Variants in OXR1 observed in about 807,000 individuals in gnomAD.
OXR1 encodes the protein oxidation resistance 1.
In OXR1, 41 loss-of-function variants were observed where a neutral mutation model predicts 104.6. The observed-to-expected ratio is 0.39, with a 90% CI of 0.31 to 0.51. OXR1 has a LOEUF of 0.51. OXR1 is among the 20% of genes least tolerant of loss of function. OXR1 has a pLI of 0.77. For missense variants in OXR1, 955 were observed against 1,031.9 expected (o/e 0.93, Z 1.02); for synonymous variants, 348 against 348.4 (o/e 1.00, Z 0.01).
At chr8:106,401,873 T>C (rs1242741874) in intron 2 of OXR1, among the ~76,000 whole-genome samples, 1 of 152,168 alleles carries the variant, frequency 6.6e-6, no homozygotes, top group Non-Finnish European at 1.5e-5. Context: ...CAGCATAATA[T>C]CTTATGAAGG....
chr8:106,679,364 T>G (rs1489058650), intron 4 of OXR1, 72 bp downstream of exon 4: 4 of 673,394 alleles, frequency 5.9e-6, no homozygotes, highest in African/African-American at 1.9e-5. Context: ...CTGTTTATAC[T>G]ATAAATAAGA....
At chr8:106,697,645 G>A (rs532826528) in intron 7 of OXR1, 2 of 1,613,864 alleles carry the variant, frequency 1.2e-6, no homozygotes, top group African/African-American at 1.3e-5. Context: ...CTGCACACAG[G>A]CCATGTTCTT....
chr8:106,746,659 A>T (rs1220046206), intron 16 of OXR1, among the ~76,000 whole-genome samples: 1 of 152,236 alleles, frequency 6.6e-6, no homozygotes, highest in African/African-American at 2.4e-5. Context: ...AAATTTTCTT[A>T]CAACTTCTCT....
rs1410370642 is a variant in OXR1 at position 106,590,311 on chromosome 8, G to GGAGTC, written c.220+71173_220+71177dup. On this transcript the variant is annotated intron_variant, in intron 3 of 16. Coordinates refer to ENST00000517566, the MANE Select transcript of OXR1 (RefSeq NM_001198533.2). ...TGTTGTTGTTGTTGTTGTTTGAGACGGAGTCTCGCTCTGTCGCCCAGGCTG... is the reference window on the plus strand; with the variant it reads ...TGTTGTTGTTGTTGTTGTTTGAGACGGAGTCGAGTCTCGCTCTGTCGCCCAGGCTG... 5.3e-4 allele frequency among the ~76,000 whole-genome samples: 81 copies of GGAGTC among 152,028 alleles called. No individual in the cohort carries two copies. The Middle Eastern group carries it at 0.01, about 19-fold the overall frequency.
At chr8:106,579,259 CT>C (rs1194076823) in intron 3 of OXR1, among the ~76,000 whole-genome samples, 1 of 152,078 alleles carries the variant, frequency 6.6e-6, no homozygotes, top group African/African-American at 2.4e-5. Flanking sequence ...CCGTCACTTC[CT>C]GCCTGAAATC....
At position 106,329,034 on chromosome 8, in the gene OXR1, C is replaced by T. The variant is rs545563335; in HGVS notation, c.-138-30442C>T. 7.3e-5 allele frequency among the ~76,000 whole-genome samples: 11 copies of T among 149,796 alleles called. No homozygotes were observed. In the East Asian group the frequency reaches 1.9e-3, roughly 26 times the overall value. ...TTTCTGAGTTGGAGTCTCTGTTGCC[C>T]AGGCTGGAGTGCAGTGGTGCGATCT... On this transcript the variant is annotated intron_variant, in intron 1 of 16. Transcript: ENST00000517566.
chr8:106,686,028 GA>G (rs1226249115), intron 6 of OXR1, among the ~76,000 whole-genome samples: 2 of 152,122 alleles, frequency 1.3e-5, no homozygotes, highest in Non-Finnish European at 2.9e-5. Context: ...CTCAGGAATG[GA>G]AAACTAAACA....
At chr8:106,344,494 T>TG (rs1586548745) in intron 1 of OXR1, among the ~76,000 whole-genome samples, 2 of 152,106 alleles carry the variant, frequency 1.3e-5, no homozygotes, top group East Asian at 3.9e-4. Flanking sequence ...CGTGCCACCA[T>TG]GCCTGGCTAA....
At chr8:106,651,829 G>A (rs938471244) in intron 3 of OXR1, among the ~76,000 whole-genome samples, 1 of 152,024 alleles carries the variant, frequency 6.6e-6, no homozygotes, top group Non-Finnish European at 1.5e-5. Context: ...GGAGTGTATT[G>A]CATCTGTATA....
chr8:106,483,635 A>C (rs149182798), intron 2 of OXR1, among the ~76,000 whole-genome samples: 1 of 152,196 alleles, frequency 6.6e-6, no homozygotes. Flanking sequence ...GTCCACTTGA[A>C]AACATTTCTA....
Position 106,391,551 on chromosome 8 carries a change from T to C in OXR1, c.23+31915T>C, listed in dbSNP as rs1817586279. ...GTAACAAATAAAGACACATGCTCCA[T>C]TTAAAATGAGATTTCAAGTCTGTGT... On this transcript the variant is annotated intron_variant, in intron 2 of 16. Transcript: ENST00000517566. 2.0e-5 allele frequency among the ~76,000 whole-genome samples: 3 copies of C among 152,180 alleles called. No individual in the cohort carries two copies. The South Asian group carries it at 6.2e-4, about 32-fold the overall frequency.
chr8:106,270,206 A>G lies in OXR1; in HGVS notation c.-300A>G, dbSNP rs1426946649. 2 of 152,172 alleles carry G rather than the reference A, an allele frequency of 1.3e-5. No individual in the cohort carries two copies. Among genetic ancestry groups the G allele is most frequent in the African/African-American group, 2.4e-5 (1 of 41,446 alleles). 9.4% of individuals were successfully genotyped at this position (152,172 alleles called of 1,614,324 possible). A position where few individuals can be genotyped will look rare whatever the true frequency, so the allele number is the denominator to read the frequency against. ...TCTGCAAGCGCTCAGCGGCGCCGGC[A>G]GCAGCGGGGCTAGAGCTGGGCTGCG... On this transcript the variant is annotated 5_prime_UTR_variant, in exon 1 of 17. Coordinates refer to ENST00000517566, the MANE Select transcript of OXR1 (RefSeq NM_001198533.2).
intron 3 of OXR1, chr8:106,618,322 G>A: frequency 1.3e-6 from 1 of 752,036 alleles, no homozygotes; most frequent in Non-Finnish European, 2.3e-6. Flanking sequence ...GCAGTTGGAG[G>A]TTCTATAGCT....
intron 11 of OXR1, among the ~76,000 whole-genome samples, chr8:106,716,956 C>A (rs1440188278): frequency 5.9e-5 from 9 of 151,836 alleles, no homozygotes; most frequent in Non-Finnish European, 1.2e-4. Context: ...AAATGTTAAA[C>A]TAGGGTGGAT....
intron 3 of OXR1, among the ~76,000 whole-genome samples, chr8:106,624,576 A>G (rs1025990333): frequency 1.3e-5 from 2 of 152,188 alleles, no homozygotes; most frequent in African/African-American, 2.4e-5. Context: ...GGTCTCAGAG[A>G]TAGCTGAGGG....
intron 10 of OXR1, among the ~76,000 whole-genome samples, chr8:106,711,827 A>T (rs1450463095): frequency 2.6e-5 from 4 of 152,104 alleles, no homozygotes; most frequent in Non-Finnish European, 5.9e-5. Flanking sequence ...AGGGAACCTG[A>T]ATTTTTATAA....
chr8:106,405,186 A>AG (rs1818180961), intron 2 of OXR1, among the ~76,000 whole-genome samples: 21 of 12,572 alleles, frequency 1.7e-3, no homozygotes, highest in Admixed American at 2.2e-3. Flanking sequence ...ATATATATAT[A>AG]TATATATATA....
intron 3 of OXR1, among the ~76,000 whole-genome samples, chr8:106,610,125 A>C (rs577681764): frequency 3.4e-5 from 5 of 145,340 alleles, no homozygotes; most frequent in Admixed American, 3.4e-4. Flanking sequence ...TTTATAATTT[A>C]CCCCTTTAAG....
Position 106,750,969 on chromosome 8 carries a change from A to G in OXR1, c.*28A>G. The G allele has an allele frequency of 4.5e-6, 7 of 1,569,260 alleles. No individual in the cohort carries two copies. The highest frequency in any genetic ancestry group is 6.0e-6 in the Non-Finnish European group (7 of 1,157,238). ...AAAATGCTCTCTGTCTTAGCAGGAG[A>G]ATGGCCCAAACCTGACATGGACAAG... On this transcript the variant is annotated 3_prime_UTR_variant, in exon 17 of 17. Transcript: ENST00000517566.
Sources: allele counts gnomAD v4.1 joint callset (sites outside exome capture counted in the v4.1 genomes callset), GRCh38; gene constraint gnomAD v4.1.1; transcripts MANE v1.5; gene names NCBI Gene and HGNC (gene_info 2026-07-23, HGNC 2026-07-21).